The following C16orf74 variants were observed in gnomAD, a reference collection of about 807,000 sequenced individuals.
C16orf74 encodes the protein calcimembrin.
A neutral mutation model predicts 6.5 loss-of-function variants in C16orf74; 10 were observed. The ratio of observed to expected loss-of-function variants is 1.54; its 90% confidence interval spans 0.95 to 2.61. C16orf74 has a LOEUF of 2.61. Among genes scored for constraint, C16orf74 ranks in the 30% most tolerant of loss-of-function variants. The pLI is 0.00. For missense variants in C16orf74, 141 were observed against 105.9 expected (o/e 1.33, Z -1.45); for synonymous variants, 60 against 42.5 (o/e 1.41, Z -1.60).
chr16:85,738,483 C>T (rs905266299), intron 1 of C16orf74, among the ~76,000 whole-genome samples: 4 of 137,504 alleles, frequency 2.9e-5, no homozygotes, highest in African/African-American at 1.1e-4. Context: ...CACCATGACA[C>T]CCAGCTAATT....
chr16:85,750,964 G>A lies in C16orf74; in HGVS notation c.-57C>T, dbSNP rs2054431619. ...GTGGGCTCACTGCGGAGCCGCGCCC[G>A]AGGCGCGCGAGGCCCGCCCGGGCGC... On this transcript the variant is annotated 5_prime_UTR_variant, in exon 1 of 4. Transcript: ENST00000284245. The A allele has an allele frequency of 6.6e-6, 1 of 150,586 alleles. No individual in the cohort carries two copies. Among genetic ancestry groups the A allele is most frequent in the Admixed American group, 6.6e-5 (1 of 15,124 alleles). The allele number at this position is 150,586 out of a possible 1,614,324, so 9.3% of individuals were successfully genotyped here. A position where few individuals can be genotyped will look rare whatever the true frequency, so the allele number is the denominator to read the frequency against.
intron 1 of C16orf74, among the ~76,000 whole-genome samples, chr16:85,744,476 T>C (rs929551926): frequency 6.6e-6 from 1 of 152,062 alleles, no homozygotes; most frequent in Admixed American, 6.6e-5. Flanking sequence ...ATCAGATTGT[T>C]AATTATTTGC....
At position 85,716,212 on chromosome 16, in the gene C16orf74, G is replaced by A. The variant is rs76345091; in HGVS notation, c.29-5905C>T. ...CCTGGAAGGATCAGGTTCTCAGTGAGCCCTGGAGAGGCAGAAGTCTCGGAG... is the reference window on the plus strand; with the variant it reads ...CCTGGAAGGATCAGGTTCTCAGTGAACCCTGGAGAGGCAGAAGTCTCGGAG... On this transcript the variant is annotated intron_variant, in intron 2 of 3. Coordinates refer to ENST00000284245, the MANE Select transcript of C16orf74 (RefSeq NM_206967.3). 8.4e-3 allele frequency among the ~76,000 whole-genome samples: 1,281 copies of A among 151,908 alleles called. 6 individuals are homozygous for A. Among genetic ancestry groups the A allele is most frequent in the South Asian group, 0.014 (65 of 4,786 alleles).
chr16:85,709,557 T>C (rs2053946974), intron 3 of C16orf74, among the ~76,000 whole-genome samples: 1 of 151,766 alleles, frequency 6.6e-6, no homozygotes, highest in Non-Finnish European at 1.5e-5. Flanking sequence ...GCACCCGGCA[T>C]AGGCCCAGCT....
At chr16:85,727,820 A>G (rs538030981) in intron 2 of C16orf74, among the ~76,000 whole-genome samples, 2 of 146,008 alleles carry the variant, frequency 1.4e-5, no homozygotes, top group East Asian at 4.2e-4. Context: ...TTTCAAAAAA[A>G]CAAAAAGTGT....
chr16:85,734,196 G>T (rs900980609), intron 2 of C16orf74, among the ~76,000 whole-genome samples: 1 of 152,214 alleles, frequency 6.6e-6, no homozygotes, highest in Non-Finnish European at 1.5e-5. Context: ...ATTTGACGAA[G>T]GAAATAGTAC....
intron 1 of C16orf74, among the ~76,000 whole-genome samples, chr16:85,736,654 C>T (rs1233442682): frequency 6.6e-6 from 1 of 152,162 alleles, no homozygotes; most frequent in East Asian, 1.9e-4. Flanking sequence ...CGAGTGGTCT[C>T]TGGAGCTTCC....
chr16:85,725,054 T>C (rs1400109553), intron 2 of C16orf74, among the ~76,000 whole-genome samples: 1 of 139,456 alleles, frequency 7.2e-6, no homozygotes, highest in Non-Finnish European at 1.6e-5. Context: ...AGCTTAAGCA[T>C]GGGTGACTGA....
chr16:85,732,163 A>G (rs1437331306), intron 2 of C16orf74, among the ~76,000 whole-genome samples: 1 of 152,242 alleles, frequency 6.6e-6, no homozygotes, highest in Non-Finnish European at 1.5e-5. Flanking sequence ...TGGTGCCACC[A>G]GGAGCTTGGC....
intron 3 of C16orf74, 55 bp from the exon 4 acceptor site, chr16:85,708,121 C>T (rs2053931789): frequency 1.4e-6 from 2 of 1,446,234 alleles, no homozygotes; most frequent in South Asian, 1.2e-5. Flanking sequence ...CCACACCAAG[C>T]CCCGTTTCCC....
chr16:85,732,841 G>C (rs918882804), intron 2 of C16orf74, among the ~76,000 whole-genome samples: 1 of 152,204 alleles, frequency 6.6e-6, no homozygotes, highest in South Asian at 2.1e-4. Flanking sequence ...AGCCACACTC[G>C]GGACAGGCGC....
chr16:85,716,776 A>G (rs1031337726), intron 2 of C16orf74, among the ~76,000 whole-genome samples: 3 of 152,054 alleles, frequency 2.0e-5, no homozygotes, highest in Admixed American at 6.5e-5. Context: ...GGGCCTGCCA[A>G]GCCTCAGCAG....
chr16:85,712,672 G>C lies in C16orf74; in HGVS notation c.29-2365C>G, dbSNP rs9921905. ...AGGCTCAGAAAAACTGAAAGCAGTA[G>C]GCACACTGGCTTTGGAATCAGGCCA... On this transcript the variant is annotated intron_variant, in intron 2 of 3. Transcript: ENST00000284245. Among the ~76,000 whole-genome samples the C allele has an allele frequency of 3.1e-3, 477 of 152,346 alleles. 5 individuals carry two copies. The highest frequency in any genetic ancestry group is 0.011 in the African/African-American group (463 of 41,584).
intron 1 of C16orf74, among the ~76,000 whole-genome samples, chr16:85,744,632 C>T (rs369294024): frequency 5.9e-5 from 9 of 151,618 alleles, no homozygotes; most frequent in South Asian, 2.1e-4. Context: ...AGATCGAGAC[C>T]ATCCTGGCTA....
chr16:85,744,820 A>T (rs1360601124), intron 1 of C16orf74, among the ~76,000 whole-genome samples: 3 of 89,670 alleles, frequency 3.3e-5, no homozygotes, highest in Non-Finnish European at 6.0e-5. Context: ...ACAGAGCAAG[A>T]CTCCATCTCA....
intron 2 of C16orf74, among the ~76,000 whole-genome samples, chr16:85,720,047 A>G (rs1040183265): frequency 6.6e-6 from 1 of 150,838 alleles, no homozygotes; most frequent in African/African-American, 2.5e-5. Flanking sequence ...AGATGCGTTT[A>G]ATCTTTTTTT....
intron 2 of C16orf74, among the ~76,000 whole-genome samples, chr16:85,729,918 C>T (rs772123978): frequency 1.1e-4 from 16 of 152,144 alleles, no homozygotes; most frequent in Non-Finnish European, 1.8e-4. Flanking sequence ...TGTTTTAAGC[C>T]CCCCAGCGTG....
chr16:85,718,642 C>A (rs1049232222), intron 2 of C16orf74, among the ~76,000 whole-genome samples: 3 of 152,242 alleles, frequency 2.0e-5, no homozygotes, highest in Admixed American at 6.5e-5. Flanking sequence ...TTAAGGACCA[C>A]ACTTGAGTCC....
chr16:85,722,219 G>A (rs1204393753), intron 2 of C16orf74, among the ~76,000 whole-genome samples: 1 of 152,062 alleles, frequency 6.6e-6, no homozygotes, highest in African/African-American at 2.4e-5. Flanking sequence ...CTGTCATAAG[G>A]ATGCATGGTA....
Sources: gnomAD v4.1 joint callset for allele counts (sites outside exome capture counted in the v4.1 genomes callset) on GRCh38, gnomAD v4.1.1 for gene constraint, MANE v1.5 for transcripts, NCBI Gene and HGNC (gene_info 2026-07-23, HGNC 2026-07-21) for gene names.